NIPSNAP3A: variants seen among roughly 807,000 people sequenced by gnomAD.
The protein encoded by NIPSNAP3A is protein NipSnap homolog 3A.
Under a neutral mutation model 32.3 loss-of-function variants are expected in NIPSNAP3A, and 27 were observed. The observed-to-expected ratio is 0.84, with a 90% CI of 0.62 to 1.15. The LOEUF (loss-of-function observed/expected upper bound fraction) is 1.15, where lower values mean the gene tolerates loss of function less well. Among genes scored for constraint, NIPSNAP3A ranks in the 50% most tolerant of loss-of-function variants. The probability of loss-of-function intolerance (pLI) is 0.00; values close to 1 mark genes in which losing one functional copy is unlikely to be tolerated. For missense variants in NIPSNAP3A, 278 were observed against 297.2 expected (o/e 0.94, Z 0.48); for synonymous variants, 108 against 107.3 (o/e 1.01, Z -0.04).
In NIPSNAP3A at chr9:104,747,751, A is replaced by G. The variant is rs1163026002; in HGVS notation, c.-42A>G. ...GGGAAACCTTCAGAGGAGTCTCAGA[A>G]AGGACACGGCTGGCTGCTTTTCTCA... is the stretch of plus-strand genomic sequence containing the variant. On this transcript the variant is annotated 5_prime_UTR_variant, in exon 1 of 6. Transcript: ENST00000374767. 1.9e-6 allele frequency: 3 copies of G among 1,588,082 alleles called. No homozygotes were observed. The highest frequency in any genetic ancestry group is 2.6e-6 in the Non-Finnish European group (3 of 1,166,220).
Position 104,759,149 on chromosome 9 carries a change from G to C in NIPSNAP3A, c.645G>C (p.Glu215Asp). The part of the protein sequence containing the change: ...SRAAGRHKSH[E>D]DPRVVAAVRE... ...CAGCTGGGAGACATAAGTCCCATGA[G>C]GATCCCAGAGTTGTGGCAGCTGGTA... is the stretch of plus-strand genomic sequence containing the variant. The change falls in exon 5 of 6, where the codon GAG becomes GAC. Residue 215 changes from glutamate (E) to aspartate (D), a missense_variant. Glu to Asp is a conservative substitution (Grantham distance 45). Transcript: ENST00000374767. The C allele has an allele frequency of 6.2e-7, 1 of 1,613,448 alleles. No homozygotes were observed. The highest frequency in any genetic ancestry group is 8.5e-7 in the Non-Finnish European group (1 of 1,179,668).
At chr9:104,756,144 C>G (rs1468556415) in intron 4 of NIPSNAP3A, among the ~76,000 whole-genome samples, 1 of 152,092 alleles carries the variant, frequency 6.6e-6, no homozygotes, top group Non-Finnish European at 1.5e-5. Context: ...TTGGAAAATA[C>G]ATGGAGGAGA....
chr9:104,757,360 A>G (rs1225003030), intron 4 of NIPSNAP3A, among the ~76,000 whole-genome samples: 1 of 152,182 alleles, frequency 6.6e-6, no homozygotes, highest in Non-Finnish European at 1.5e-5. Flanking sequence ...TTTGAATCCC[A>G]GGTACACTAC....
Position 104,759,130 on chromosome 9 carries a change from G to T in NIPSNAP3A, c.626G>T (p.Gly209Val), listed in dbSNP as rs1451395975. ...WNESADSRAAGRHKSHEDPRV... is the reference protein window; with the variant it reads ...WNESADSRAAVRHKSHEDPRV... ...GAGAGTGCAGATAGTCGTGCAGCTG[G>T]GAGACATAAGTCCCATGAGGATCCC... The change falls in exon 5 of 6, where the codon GGG becomes GTG. Residue 209 changes from glycine to valine, a missense_variant. Gly to Val is a moderately radical substitution (Grantham distance 109). Coordinates refer to ENST00000374767, the MANE Select transcript of NIPSNAP3A (RefSeq NM_015469.3). 6.2e-7 allele frequency: 1 copy of T among 1,613,306 alleles called. No individual in the cohort carries two copies. Among genetic ancestry groups the T allele is most frequent in the East Asian group, 2.2e-5 (1 of 44,884 alleles).
In NIPSNAP3A at chr9:104,754,607, G is replaced by A; in HGVS notation, c.487G>A (p.Asp163Asn). ...MKPGGPALWG[D>N]AFKRAVHAHV... ...ACCTGGTGGGCCAGCTCTGTGGGGT[G>A]ATGCATTTAAAAGGGCAGTTCATGC... Residue 163 changes from aspartate (D) to asparagine (N), a missense_variant, in exon 4 of 6, where the codon GAT becomes AAT. Asp to Asn is a conservative substitution (Grantham distance 23). Coordinates refer to ENST00000374767, the MANE Select transcript of NIPSNAP3A (RefSeq NM_015469.3). 6.2e-7 allele frequency: 1 copy of A among 1,614,040 alleles called. No individual in the cohort carries two copies. The highest frequency in any genetic ancestry group is 8.5e-7 in the Non-Finnish European group (1 of 1,179,918).
At chr9:104,747,936 T>C (rs950557763) in intron 1 of NIPSNAP3A, 84 bp downstream of exon 1, 75 of 1,312,916 alleles carry the variant, frequency 5.7e-5, no homozygotes, top group Non-Finnish European at 7.4e-5. Context: ...GTGCGAGCAA[T>C]GCGCATGCGC....
chr9:104,749,186 ATATAT>A (rs1487775868), intron 1 of NIPSNAP3A, among the ~76,000 whole-genome samples: 1 of 152,166 alleles, frequency 6.6e-6, no homozygotes, highest in Non-Finnish European at 1.5e-5. Flanking sequence ...CTATCTCCTG[ATATAT>A]TTTATTATAA....
chr9:104,754,517 G>A, intron 3 of NIPSNAP3A, 34 bp from the exon 4 acceptor site: 2 of 1,605,506 alleles, frequency 1.2e-6, no homozygotes, highest in South Asian at 1.1e-5. Flanking sequence ...TTGCTTGAAT[G>A]TTTTCTGAAA....
Position 104,759,478 on chromosome 9 carries a change from C to A in NIPSNAP3A, c.*140C>A. On this transcript the variant is annotated 3_prime_UTR_variant, in exon 6 of 6. Coordinates refer to ENST00000374767, the MANE Select transcript of NIPSNAP3A (RefSeq NM_015469.3). Reference sequence around the variant, plus strand: ...TGCTATGTTTCTTGCATTATGAAGGCTACATCTGTGCTTTGTAAGTACCAC... The same window carrying A: ...TGCTATGTTTCTTGCATTATGAAGGATACATCTGTGCTTTGTAAGTACCAC... 1 of 789,392 alleles carries A rather than the reference C, an allele frequency of 1.3e-6. No homozygotes were observed. The highest frequency in any genetic ancestry group is 1.6e-5 in the South Asian group (1 of 60,942). 48.9% of individuals were successfully genotyped at this position (789,392 alleles called of 1,614,324 possible).
chr9:104,750,870 C>G (rs935072012), intron 1 of NIPSNAP3A, 86 bp from the exon 2 acceptor site: 2 of 1,035,368 alleles, frequency 1.9e-6, no homozygotes, highest in African/African-American at 3.1e-5. Context: ...TATGAGTGTC[C>G]CTTGTACCAG....
chr9:104,759,167 A>G lies in NIPSNAP3A; in HGVS notation c.663A>G (p.Ala221=), dbSNP rs751443887. The G allele has an allele frequency of 3.7e-6, 6 of 1,613,670 alleles. No individual in the cohort carries two copies. Among genetic ancestry groups the G allele is most frequent in the South Asian group, 3.3e-5 (3 of 91,002 alleles). The change falls in exon 5 of 6, where the codon GCA becomes GCG. Residue 221 remains alanine (A), a synonymous_variant. Transcript: ENST00000374767. The part of the protein sequence containing the change: ...HKSHEDPRVV[A]AVRESVNYLV... ...CCCATGAGGATCCCAGAGTTGTGGC[A>G]GCTGGTAAGCTGTTTGACTAGGCAT...
At chr9:104,748,316 C>T (rs1827803450) in intron 1 of NIPSNAP3A, among the ~76,000 whole-genome samples, 1 of 152,180 alleles carries the variant, frequency 6.6e-6, no homozygotes, top group African/African-American at 2.4e-5. Context: ...AGCCGCTTGC[C>T]ACGGAACCGG....
chr9:104,753,912 T>C (rs1827875743), intron 3 of NIPSNAP3A: 1 of 152,462 alleles, frequency 6.6e-6, no homozygotes, highest in African/African-American at 2.4e-5. Flanking sequence ...TTACATGCTT[T>C]TCCTACTTGT....
intron 1 of NIPSNAP3A, 68 bp downstream of exon 1, chr9:104,747,920 G>A (rs1214655798): frequency 6.9e-7 from 1 of 1,441,058 alleles, no homozygotes; most frequent in South Asian, 1.2e-5. Context: ...GGAGTGTTCC[G>A]GGTACGTGCG....
chr9:104,751,141 TAC>T lies in NIPSNAP3A; in HGVS notation c.248_249del (p.Thr83SerfsTer8). The T allele has an allele frequency of 6.2e-7, 1 of 1,613,602 alleles. No homozygotes were observed. The highest frequency in any genetic ancestry group is 1.7e-5 in the Admixed American group (1 of 60,016). On this transcript the variant is annotated frameshift_variant, in exon 2 of 6. Transcript: ENST00000374767. LOFTEE classifies it high-confidence loss of function. ...WSVEFGGRMNTVFHIWKYDNF... is the reference protein window; with the variant it reads ...WSVEFGGRMNXVFHIWKYDNF... ...GTGTAGAATTTGGAGGCAGAATGAA[TAC>T]AGTGTTTCATATTTGGAAGTATGGT...
chr9:104,749,851 A>G (rs1157441844), intron 1 of NIPSNAP3A, among the ~76,000 whole-genome samples: 4 of 152,164 alleles, frequency 2.6e-5, no homozygotes, highest in Admixed American at 6.5e-5. Context: ...AATGTGGTAT[A>G]AGTGGATTCA....
chr9:104,750,423 T>G (rs1827834062), intron 1 of NIPSNAP3A, among the ~76,000 whole-genome samples: 1 of 152,180 alleles, frequency 6.6e-6, no homozygotes, highest in Non-Finnish European at 1.5e-5. Context: ...TGTAAACAAA[T>G]GTATATGTGA....
At chr9:104,754,475 A>G in intron 3 of NIPSNAP3A, 76 bp from the exon 4 acceptor site, 2 of 1,265,214 alleles carry the variant, frequency 1.6e-6, no homozygotes, top group Non-Finnish European at 2.3e-6. Context: ...GTAGATAGTG[A>G]AAGACTATTC....
Position 104,750,991 on chromosome 9 carries a change from C to G in NIPSNAP3A, c.96C>G (p.Tyr32Ter). ...CSSFATGPRQYDGIFYEFRSY... is the reference protein window; with the variant it reads ...CSSFATGPRQ ...CTTTTGCTACGGGACCCAGACAATACGATGGAATATTCTATGAATTTCGTT... is the reference window on the plus strand; with the variant it reads ...CTTTTGCTACGGGACCCAGACAATAGGATGGAATATTCTATGAATTTCGTT... The change falls in exon 2 of 6, where the codon TAC becomes TAG. Residue 32 changes from tyrosine (Y) to a stop codon, truncating the protein, a stop_gained. Coordinates refer to ENST00000374767, the MANE Select transcript of NIPSNAP3A (RefSeq NM_015469.3). LOFTEE classifies it high-confidence loss of function. 6.2e-7 allele frequency: 1 copy of G among 1,613,750 alleles called. No homozygotes were observed. The highest frequency in any genetic ancestry group is 1.1e-5 in the South Asian group (1 of 91,070).
Sources: allele counts gnomAD v4.1 joint callset (sites outside exome capture counted in the v4.1 genomes callset), GRCh38; gene constraint gnomAD v4.1.1; transcripts MANE v1.5; gene names NCBI Gene and HGNC (gene_info 2026-07-23, HGNC 2026-07-21).